The following GRM7 variants were observed in gnomAD, a reference collection of about 807,000 sequenced individuals.
GRM7 encodes metabotropic glutamate receptor 7.
A neutral mutation model predicts 84.5 loss-of-function variants in GRM7; 35 were observed. The ratio of observed to expected loss-of-function variants is 0.41; its 90% confidence interval spans 0.32 to 0.55. The LOEUF is 0.55. GRM7 is among the 20% of genes least tolerant of loss of function. GRM7 has a pLI of 0.19. For missense variants in GRM7, 1,003 were observed against 1,194.6 expected, an observed-to-expected ratio of 0.84 and a Z score of 2.36; for synonymous variants, 487 against 455.1, an observed-to-expected ratio of 1.07 and a Z score of -0.89.
intron 7 of GRM7, among the ~76,000 whole-genome samples, chr3:7,535,061 A>T (rs1701190759): frequency 6.6e-6 from 1 of 152,186 alleles, no homozygotes; most frequent in Non-Finnish European, 1.5e-5. Flanking sequence ...TTACATCCAG[A>T]AATGACTATG....
intron 7 of GRM7, among the ~76,000 whole-genome samples, chr3:7,466,491 A>C (rs1698464794): frequency 6.6e-6 from 1 of 152,248 alleles, no homozygotes; most frequent in Non-Finnish European, 1.5e-5. Context: ...TGCTTAAAAA[A>C]TTCTAAATCG....
At chr3:6,956,545 A>C (rs765089055) in intron 1 of GRM7, 1 of 455,776 alleles carries the variant, frequency 2.2e-6, no homozygotes, top group Non-Finnish European at 4.4e-6. Flanking sequence ...TATTTTCCAC[A>C]CTCTCTCTTC....
chr3:6,966,931 C>G (rs1328223178), intron 1 of GRM7, among the ~76,000 whole-genome samples: 1 of 152,012 alleles, frequency 6.6e-6, no homozygotes, highest in East Asian at 1.9e-4. Context: ...AGGTATCTCT[C>G]CTATAAGGGG....
At chr3:7,321,929 G>A (rs1700798600) in intron 4 of GRM7, among the ~76,000 whole-genome samples, 1 of 151,988 alleles carries the variant, frequency 6.6e-6, no homozygotes, top group Non-Finnish European at 1.5e-5. Flanking sequence ...GGTTACACCT[G>A]GCCTCCATAT....
At chr3:7,561,301 T>C (rs149088011) in intron 7 of GRM7, 120 of 256,374 alleles carry the variant, frequency 4.7e-4, no homozygotes, top group African/African-American at 2.2e-3. Context: ...CACTTACATC[T>C]TAAATTACAT....
intron 1 of GRM7, among the ~76,000 whole-genome samples, chr3:6,950,857 G>A (rs969347637): frequency 6.6e-6 from 1 of 152,358 alleles, no homozygotes; most frequent in East Asian, 1.9e-4. Context: ...CTCTGAGCCA[G>A]GTGTGGGATA....
intron 6 of GRM7, among the ~76,000 whole-genome samples, chr3:7,455,888 T>C (rs988033118): frequency 6.6e-6 from 1 of 152,128 alleles, no homozygotes; most frequent in African/African-American, 2.4e-5. Flanking sequence ...TTTCTCTTAA[T>C]AACAACTCAT....
intron 2 of GRM7, among the ~76,000 whole-genome samples, chr3:7,256,111 T>A (rs115237680): frequency 0.033 from 5,030 of 152,234 alleles, 267 homozygotes; most frequent in African/African-American, 0.11. Context: ...CCAGAGCCCT[T>A]GTCTGGTGTT....
Position 7,188,578 on chromosome 3 carries a change from A to C in GRM7, c.736+41910A>C, listed in dbSNP as rs770467457. ...GTTGCCTGATCCCTGCAGGTGAAAG[A>C]TGTAAGGAATAATGAGAAAAGATAT... is the stretch of plus-strand genomic sequence containing the variant. On this transcript the variant is annotated intron_variant, in intron 2 of 9. Coordinates refer to ENST00000357716, the MANE Select transcript of GRM7 (RefSeq NM_000844.4). The surrounding 1 kb of genome is among the most constrained non-coding windows in gnomAD (Gnocchi z 4.2). Among the ~76,000 whole-genome samples, 15 of 152,202 alleles carry C rather than the reference A, an allele frequency of 9.9e-5. No homozygotes were observed. The East Asian group carries it at 2.9e-3, about 29-fold the overall frequency.
chr3:6,881,041 T>C (rs1416871030), intron 1 of GRM7, among the ~76,000 whole-genome samples: 5 of 152,214 alleles, frequency 3.3e-5, no homozygotes, highest in Admixed American at 1.3e-4. Flanking sequence ...GTTTCAATTA[T>C]ATGCCTGTAC....
At chr3:6,966,864 A>G (rs1421775091) in intron 1 of GRM7, among the ~76,000 whole-genome samples, 1 of 152,200 alleles carries the variant, frequency 6.6e-6, no homozygotes, top group Admixed American at 6.5e-5. Context: ...TCTTGGTCCT[A>G]CCATTTATAA....
At chr3:7,681,196 T>G (rs1347740326) in intron 9 of GRM7, 2 of 152,242 alleles carry the variant, frequency 1.3e-5, no homozygotes, top group African/African-American at 2.4e-5. Flanking sequence ...ATGAGGCAGA[T>G]TCAAATATTT....
chr3:7,277,653 A>G (rs573951219), intron 2 of GRM7, among the ~76,000 whole-genome samples: 2 of 152,218 alleles, frequency 1.3e-5, no homozygotes, highest in East Asian at 3.9e-4. Context: ...TAATTTGTTC[A>G]TTCTCATGGA....
intron 1 of GRM7, among the ~76,000 whole-genome samples, chr3:6,896,001 T>C (rs1696168961): frequency 6.6e-6 from 1 of 152,160 alleles, no homozygotes; most frequent in Admixed American, 6.6e-5. Flanking sequence ...TTTGAGTCTA[T>C]AATGAATGCA....
chr3:7,197,689 T>C (rs1695923236), intron 2 of GRM7, among the ~76,000 whole-genome samples: 1 of 139,456 alleles, frequency 7.2e-6, no homozygotes, highest in South Asian at 2.2e-4. Context: ...AAAAATACTT[T>C]TTACGACAAG....
chr3:7,547,194 C>CTTTTTTTTTTTTTTT (rs55678792), intron 7 of GRM7, among the ~76,000 whole-genome samples: 1 of 76,430 alleles, frequency 1.3e-5, no homozygotes, highest in African/African-American at 5.7e-5. Context: ...AGAGTGAATT[C>CTTTTTTTTTTTTTTT]TTTTTTTTTT....
intron 7 of GRM7, among the ~76,000 whole-genome samples, chr3:7,544,766 T>C (rs774394406): frequency 2.0e-5 from 3 of 152,218 alleles, no homozygotes; most frequent in Non-Finnish European, 4.4e-5. Context: ...CCTTAAGTAT[T>C]TTTGACACTT....
intron 5 of GRM7, among the ~76,000 whole-genome samples, chr3:7,451,626 C>G (rs1374470969): frequency 6.6e-6 from 1 of 152,118 alleles, no homozygotes. Flanking sequence ...CATCATTGCT[C>G]TACCTGTAAA....
intron 1 of GRM7, among the ~76,000 whole-genome samples, chr3:6,971,981 A>G (rs1199537949): frequency 6.6e-6 from 1 of 152,024 alleles, no homozygotes; most frequent in Non-Finnish European, 1.5e-5. Flanking sequence ...ATAATAGCAA[A>G]TAATATTAAT....
Sources: allele counts gnomAD v4.1 joint callset (sites outside exome capture counted in the v4.1 genomes callset), GRCh38; gene constraint gnomAD v4.1.1; non-coding constraint Gnocchi (gnomAD v3.1); transcripts MANE v1.5; gene names NCBI Gene and HGNC (gene_info 2026-07-23, HGNC 2026-07-21).